Variants in GPR158 observed in about 807,000 individuals in gnomAD.
GPR158 encodes metabotropic glycine receptor.
Under a neutral mutation model 78.2 loss-of-function variants are expected in GPR158, and 30 were observed. The observed-to-expected ratio is 0.38, with a 90% CI of 0.29 to 0.52. The LOEUF is 0.52. Among genes scored for constraint, GPR158 ranks in the 20% least tolerant of loss-of-function variants. GPR158 has a pLI of 0.83. For synonymous variants in GPR158, 581 were observed against 591.1 expected, an observed-to-expected ratio of 0.98 and a Z score of 0.25; for missense variants, 1,463 against 1,523.5, an observed-to-expected ratio of 0.96 and a Z score of 0.66.
intron 2 of GPR158, among the ~76,000 whole-genome samples, chr10:25,261,302 C>G (rs1853963973): frequency 6.6e-6 from 1 of 152,122 alleles, no homozygotes; most frequent in Non-Finnish European, 1.5e-5. Flanking sequence ...TAGTTTACTT[C>G]TGAGGCCAGA....
In GPR158 at chr10:25,438,046, A is replaced by G. The variant is rs1203226792; in HGVS notation, c.1335+25573A>G. 2.0e-5 allele frequency among the ~76,000 whole-genome samples: 3 copies of G among 152,222 alleles called. 1 individual carries two copies. Among genetic ancestry groups the G allele is most frequent in the Non-Finnish European group, 4.4e-5 (3 of 68,044 alleles). Reference sequence around the variant, plus strand: ...GGTGGAGCTATTCACTTTGGACAGCAGAAGATCTGAATTTTATCTGTGACT... The same window carrying G: ...GGTGGAGCTATTCACTTTGGACAGCGGAAGATCTGAATTTTATCTGTGACT... On this transcript the variant is annotated intron_variant, in intron 4 of 10. Coordinates refer to ENST00000376351, the MANE Select transcript of GPR158 (RefSeq NM_020752.3).
chr10:25,393,601 A>G (rs1490010663), intron 2 of GPR158: 5 of 152,124 alleles, frequency 3.3e-5, no homozygotes, highest in African/African-American at 1.2e-4. Context: ...ACTTGGATCT[A>G]TTTCCTGATA....
chr10:25,498,537 C>T (rs758668532), intron 5 of GPR158, among the ~76,000 whole-genome samples: 8 of 152,140 alleles, frequency 5.3e-5, no homozygotes, highest in South Asian at 2.1e-4. Context: ...GATTCTAATG[C>T]GCACCCAAGT....
chr10:25,520,374 C>T lies in GPR158; in HGVS notation c.1405-30602C>T, dbSNP rs1273954848. Among the ~76,000 whole-genome samples, 569 of 147,934 alleles carry T rather than the reference C, an allele frequency of 3.8e-3. 1 individual carries two copies. The highest frequency in any genetic ancestry group is 6.8e-3 in the Middle Eastern group (2 of 294). ...CATCTGAAGCCTTCTTCTCTCAGCT[C>T]GTCAAAGTCATTCTCCATCCAGCTT... On this transcript the variant is annotated intron_variant, in intron 5 of 10. Coordinates refer to ENST00000376351, the MANE Select transcript of GPR158 (RefSeq NM_020752.3).
At chr10:25,273,626 A>G (rs1425871222) in intron 2 of GPR158, among the ~76,000 whole-genome samples, 1 of 152,070 alleles carries the variant, frequency 6.6e-6, no homozygotes, top group Non-Finnish European at 1.5e-5. Flanking sequence ...TGCTTCCCAA[A>G]TCACTCTACC....
chr10:25,433,515 A>T (rs3949311), intron 4 of GPR158, among the ~76,000 whole-genome samples: 103,900 of 148,162 alleles, frequency 0.7, 37,951 homozygotes, highest in Non-Finnish European at 0.8. Context: ...AGCAAAAAGG[A>T]AATGGTTTAG....
intron 9 of GPR158, among the ~76,000 whole-genome samples, chr10:25,594,894 G>A (rs1032002876): frequency 1.3e-4 from 20 of 152,280 alleles, no homozygotes; most frequent in African/African-American, 4.6e-4. Context: ...CCAGGACTCA[G>A]AATACAGGGA....
intron 2 of GPR158, among the ~76,000 whole-genome samples, chr10:25,392,613 C>T (rs988522603): frequency 2.6e-5 from 4 of 152,218 alleles, no homozygotes; most frequent in African/African-American, 9.6e-5. Flanking sequence ...AACAAGCAGC[C>T]CCTCAGCCTA....
At chr10:25,207,565 G>A (rs1030832168) in intron 1 of GPR158, among the ~76,000 whole-genome samples, 1 of 152,100 alleles carries the variant, frequency 6.6e-6, no homozygotes, top group Admixed American at 6.5e-5. Flanking sequence ...AATAGTGTTT[G>A]TGCTCCTGTG....
At chr10:25,358,364 G>C (rs1029331457) in intron 2 of GPR158, among the ~76,000 whole-genome samples, 1 of 152,016 alleles carries the variant, frequency 6.6e-6, no homozygotes, top group Non-Finnish European at 1.5e-5. Context: ...AGAGGCTGGG[G>C]TGAAATGATA....
intron 6 of GPR158, among the ~76,000 whole-genome samples, chr10:25,556,143 G>C (rs1351165178): frequency 6.6e-6 from 1 of 152,154 alleles, no homozygotes; most frequent in Non-Finnish European, 1.5e-5. Flanking sequence ...TTGGTTGATT[G>C]CGTGTAGACT....
At chr10:25,224,165 T>A (rs1564395368) in intron 2 of GPR158, among the ~76,000 whole-genome samples, 1 of 152,134 alleles carries the variant, frequency 6.6e-6, no homozygotes, top group Non-Finnish European at 1.5e-5. Context: ...TACTGTAAAA[T>A]AGATTTGGTC....
At chr10:25,510,164 A>G (rs1554809624) in intron 5 of GPR158, among the ~76,000 whole-genome samples, 1 of 152,244 alleles carries the variant, frequency 6.6e-6, no homozygotes. Flanking sequence ...CAGTGTGCTC[A>G]TCTTTGGAAA....
intron 5 of GPR158, among the ~76,000 whole-genome samples, chr10:25,487,419 G>C (rs1835749152): frequency 6.6e-6 from 1 of 152,164 alleles, no homozygotes; most frequent in Non-Finnish European, 1.5e-5. Context: ...TTCCTCCTTG[G>C]CCGTAAATAC....
intron 5 of GPR158, among the ~76,000 whole-genome samples, chr10:25,468,588 T>A (rs1296649462): frequency 6.6e-6 from 1 of 152,186 alleles, no homozygotes; most frequent in Non-Finnish European, 1.5e-5. Flanking sequence ...GACACACCAA[T>A]TAATGTTGGA....
In GPR158 at chr10:25,232,625, C is replaced by T. The variant is rs376855295; in HGVS notation, c.1008+11468C>T. The stretch of plus-strand genomic sequence containing the variant: ...ATGTGTATTCATCCAGGACAGGTTT[C>T]GATTCATCATTGTTTTTCCCTCCCC... On this transcript the variant is annotated intron_variant, in intron 2 of 10. Coordinates refer to ENST00000376351, the MANE Select transcript of GPR158 (RefSeq NM_020752.3). 2.4e-4 allele frequency among the ~76,000 whole-genome samples: 37 copies of T among 152,032 alleles called. 1 individual carries two copies. The highest frequency in any genetic ancestry group is 4.1e-4 in the Non-Finnish European group (28 of 68,004).
chr10:25,521,021 TG>T (rs565409294), intron 5 of GPR158, among the ~76,000 whole-genome samples: 2,611 of 152,290 alleles, frequency 0.017, 65 homozygotes, highest in African/African-American at 0.06. Flanking sequence ...AGCGAGACTC[TG>T]TGGGCGTAGG....
At chr10:25,502,817 A>G (rs1222334031) in intron 5 of GPR158, among the ~76,000 whole-genome samples, 1 of 152,180 alleles carries the variant, frequency 6.6e-6, no homozygotes, top group Non-Finnish European at 1.5e-5. Flanking sequence ...TCCTTTCTAT[A>G]GGCACTGGAA....
intron 2 of GPR158, among the ~76,000 whole-genome samples, chr10:25,383,428 A>G (rs543550704): frequency 6.6e-6 from 1 of 152,304 alleles, no homozygotes; most frequent in South Asian, 2.1e-4. Context: ...GACAGACCAG[A>G]CTGCCATAGA....
Sources: gnomAD v4.1 joint callset for allele counts (sites outside exome capture counted in the v4.1 genomes callset) on GRCh38, gnomAD v4.1.1 for gene constraint, MANE v1.5 for transcripts, NCBI Gene and HGNC (gene_info 2026-07-23, HGNC 2026-07-21) for gene names.